PER3: variants seen among roughly 807,000 people sequenced by gnomAD.
PER3 encodes period circadian protein homolog 3.
A neutral mutation model predicts 127.2 loss-of-function variants in PER3; 107 were observed. The ratio of observed to expected loss-of-function variants is 0.84; its 90% CI spans 0.72 to 0.99. The LOEUF (loss-of-function observed/expected upper bound fraction) is 0.99, where lower values mean the gene tolerates loss of function less well. Ranked by LOEUF, PER3 falls within the 50% of genes least tolerant of loss-of-function variation. PER3 has a pLI of 0.00. For synonymous variants in PER3, 618 were observed against 585.8 expected (o/e 1.05, Z -0.79); for missense variants, 1,560 against 1,525.8 (o/e 1.02, Z -0.37).
chr1:7,790,696 A>G (rs193187929), intron 5 of PER3, among the ~76,000 whole-genome samples: 12 of 152,318 alleles, frequency 7.9e-5, no homozygotes, highest in Admixed American at 3.9e-4. Flanking sequence ...AGTCCCTTTC[A>G]CCTATGAGCC....
intron 3 of PER3, 77 bp downstream of exon 3, chr1:7,785,663 G>A: frequency 1.6e-6 from 2 of 1,235,212 alleles, no homozygotes; most frequent in Middle Eastern, 2.1e-4. Flanking sequence ...TGGTCAGTGG[G>A]GTCTCAGTCA....
At chr1:7,842,619 T>G in intron 21 of PER3, 53 bp from the exon 22 acceptor site, 2 of 1,599,740 alleles carry the variant, frequency 1.3e-6, no homozygotes, top group East Asian at 4.5e-5. Flanking sequence ...GTTTTAAAAC[T>G]CTTTAGGTGA....
chr1:7,803,743 G>C lies in PER3; in HGVS notation c.1031G>C (p.Cys344Ser). The C allele has an allele frequency of 6.2e-7, 1 of 1,609,856 alleles. No individual in the cohort carries two copies. Among genetic ancestry groups the C allele is most frequent in the Non-Finnish European group, 8.5e-7 (1 of 1,176,246 alleles). Residue 344 changes from cysteine (C) to serine (S), a missense_variant, in exon 10 of 22, where the codon TGT becomes TCT. Cys to Ser is a moderately radical substitution (Grantham distance 112). Coordinates refer to ENST00000377532, the MANE Select transcript of PER3 (RefSeq NM_001377275.1). ...PPFEHSPIRF[C>S]TQNGDYIILD... is the part of the protein sequence containing the mutation. ...TTTGAACATTCTCCCATTCGATTTT[G>C]TACTCAAAACGGAGACTACATCATA...
At chr1:7,817,876 T>C (rs1296097671) in intron 13 of PER3, among the ~76,000 whole-genome samples, 1 of 152,154 alleles carries the variant, frequency 6.6e-6, no homozygotes, top group Non-Finnish European at 1.5e-5. Flanking sequence ...CCAAAACATA[T>C]TATTTATTAC....
intron 20 of PER3, 84 bp from the exon 21 acceptor site, chr1:7,836,915 A>C (rs2097361271): frequency 9.6e-7 from 1 of 1,045,260 alleles, no homozygotes; most frequent in Admixed American, 2.3e-5. Flanking sequence ...ATTACCAACC[A>C]AGAAGAAGTG....
intron 20 of PER3, 23 bp downstream of exon 20, chr1:7,835,968 C>T (rs762834731): frequency 6.8e-7 from 1 of 1,476,598 alleles, no homozygotes; most frequent in South Asian, 1.2e-5. Flanking sequence ...TTTAGAAAAC[C>T]CACTTTTTAT....
intron 18 of PER3, 50 bp from the exon 19 acceptor site, chr1:7,829,783 AT>A: frequency 1.4e-6 from 2 of 1,453,226 alleles, no homozygotes; most frequent in Non-Finnish European, 1.9e-6. Flanking sequence ...GGACTACTGT[AT>A]TTTGTGATAA....
At chr1:7,840,503 A>G (rs2097380863) in intron 21 of PER3, among the ~76,000 whole-genome samples, 2 of 151,696 alleles carry the variant, frequency 1.3e-5, no homozygotes, top group African/African-American at 4.8e-5. Context: ...ATTTTCGTAG[A>G]GATGGAGTTT....
Position 7,829,940 on chromosome 1 carries a change from CT to C in PER3, c.2994del (p.Leu999CysfsTer8). ...RENPSHPTAS[A>X]LSTGSPPMKN... ...AATCCATCCCATCCTACTGCCAGCG[CT>C]CTGTCCACAGGATCGCCTCCCATGA... On this transcript the variant is annotated frameshift_variant, in exon 19 of 22. Transcript: ENST00000377532. LOFTEE classifies it high-confidence loss of function. The C allele has an allele frequency of 1.0e-5, 13 of 1,282,314 alleles. No homozygotes were observed. Among genetic ancestry groups the C allele is most frequent in the South Asian group, 3.5e-5 (2 of 57,404 alleles). The allele number at this position is 1,282,314 out of a possible 1,614,324, so 79.4% of individuals were successfully genotyped here. A position where few individuals can be genotyped will look rare whatever the true frequency, so the allele number is the denominator to read the frequency against.
At chr1:7,811,211 T>C (rs1355859980) in intron 13 of PER3, among the ~76,000 whole-genome samples, 3 of 152,258 alleles carry the variant, frequency 2.0e-5, no homozygotes, top group Non-Finnish European at 1.5e-5. Flanking sequence ...TTTTTCTTCC[T>C]GAATGTTAAT....
chr1:7,822,348 C>T (rs1020947982), intron 16 of PER3, among the ~76,000 whole-genome samples: 11 of 151,924 alleles, frequency 7.2e-5, no homozygotes, highest in Non-Finnish European at 7.4e-5. Context: ...CTCCACCTCC[C>T]GGATTCAAGC....
intron 13 of PER3, among the ~76,000 whole-genome samples, chr1:7,817,835 CAG>C (rs1445183729): frequency 4.6e-5 from 7 of 152,264 alleles, no homozygotes; most frequent in South Asian, 2.1e-4. Context: ...TTAAAAGAAA[CAG>C]AATACTTGCG....
At chr1:7,828,910 T>G (rs1187889114) in intron 18 of PER3, among the ~76,000 whole-genome samples, 1 of 152,146 alleles carries the variant, frequency 6.6e-6, no homozygotes, top group Non-Finnish European at 1.5e-5. Flanking sequence ...CTAGAACATA[T>G]AAATGTTCGA....
At chr1:7,824,725 A>C (rs2097293344) in intron 16 of PER3, among the ~76,000 whole-genome samples, 1 of 152,214 alleles carries the variant, frequency 6.6e-6, no homozygotes, top group African/African-American at 2.4e-5. Flanking sequence ...CAGGACAAAT[A>C]GTGTGTAGTC....
chr1:7,799,998 G>A (rs191970395), intron 7 of PER3, among the ~76,000 whole-genome samples: 68 of 151,820 alleles, frequency 4.5e-4, no homozygotes, highest in African/African-American at 1.5e-3. Flanking sequence ...GGCTGTTCTC[G>A]AACTCCTGGG....
chr1:7,816,570 T>C (rs1463729863), intron 13 of PER3, among the ~76,000 whole-genome samples: 1 of 152,106 alleles, frequency 6.6e-6, no homozygotes, highest in Non-Finnish European at 1.5e-5. Flanking sequence ...GTAAATAGCA[T>C]ATGAAAAGAT....
Position 7,830,165 on chromosome 1 carries a change from G to C in PER3, c.3214+4G>C. The C allele has an allele frequency of 6.2e-7, 1 of 1,612,018 alleles. No individual in the cohort carries two copies. Among genetic ancestry groups the C allele is most frequent in the Non-Finnish European group, 8.5e-7 (1 of 1,178,296 alleles). ...AGAACTGGTTCAGCAGCATCAGGTA[G>C]TGGATCAGGACAACTAATGTTTCAA... On this transcript the variant is annotated splice_donor_region_variant and intron_variant, in intron 19 of 21. Coordinates refer to ENST00000377532, the MANE Select transcript of PER3 (RefSeq NM_001377275.1).
At chr1:7,789,434 C>T (rs1577626757) in intron 5 of PER3, among the ~76,000 whole-genome samples, 1 of 152,184 alleles carries the variant, frequency 6.6e-6, no homozygotes, top group Non-Finnish European at 1.5e-5. Flanking sequence ...TGCACAAGCT[C>T]TCTCTCTTTG....
Position 7,810,425 on chromosome 1 carries a change from T to A in PER3, c.1372-13T>A, listed in dbSNP as rs2097214285. On this transcript the variant is annotated splice_polypyrimidine_tract_variant and intron_variant, in intron 12 of 21. Transcript: ENST00000377532. ...TAATTTTTGAAACATATTTTATCAT[T>A]CCTTTCCCTAAGATGACCTTGCAGC... is the stretch of plus-strand genomic sequence containing the variant. The A allele has an allele frequency of 6.4e-7, 1 of 1,569,128 alleles. No individual in the cohort carries two copies. Among genetic ancestry groups the A allele is most frequent in the African/African-American group, 1.4e-5 (1 of 73,106 alleles).
Sources: allele counts gnomAD v4.1 joint callset (sites outside exome capture counted in the v4.1 genomes callset), GRCh38; gene constraint gnomAD v4.1.1; transcripts MANE v1.5; gene names NCBI Gene and HGNC (gene_info 2026-07-23, HGNC 2026-07-21).